The following CMTM8 variants were observed in gnomAD, a reference collection of about 807,000 sequenced individuals.
CMTM8 encodes the protein CKLF-like MARVEL transmembrane domain-containing protein 8.
In CMTM8, 12 loss-of-function variants were observed where a neutral mutation model predicts 18.6. That is an observed-to-expected ratio of 0.65 (90% CI 0.41 to 1.05). CMTM8 has a LOEUF of 1.05. Ranked by LOEUF, CMTM8 falls within the 50% of genes least tolerant of loss-of-function variation. CMTM8 has a pLI of 0.00. For missense variants in CMTM8, 217 were observed against 227.2 expected, an observed-to-expected ratio of 0.95 and a Z score of 0.29; for synonymous variants, 87 against 90.6, an observed-to-expected ratio of 0.96 and a Z score of 0.23.
At chr3:32,273,129 A>ATGTG (rs60162265) in intron 1 of CMTM8, among the ~76,000 whole-genome samples, 12,388 of 142,956 alleles carry the variant, frequency 0.087, 607 homozygotes, top group South Asian at 0.21. Flanking sequence ...ATTGGAACAA[A>ATGTG]TGTGTGTGTG....
intron 1 of CMTM8, among the ~76,000 whole-genome samples, chr3:32,260,965 T>A (rs2125537323): frequency 6.6e-6 from 1 of 152,170 alleles, no homozygotes; most frequent in Non-Finnish European, 1.5e-5. Flanking sequence ...CTCATGCCTG[T>A]AACCCCAGCA....
At chr3:32,328,370 CAAAAAAAAAAAA>C (rs796201249) in intron 1 of CMTM8, among the ~76,000 whole-genome samples, 2 of 74,786 alleles carry the variant, frequency 2.7e-5, no homozygotes, top group Non-Finnish European at 4.9e-5. Flanking sequence ...ACCCTGTCTC[CAAAAAAAAAAAA>C]AAAAAAAAAA....
At chr3:32,321,184 G>A (rs922916178) in intron 1 of CMTM8, among the ~76,000 whole-genome samples, 2 of 152,016 alleles carry the variant, frequency 1.3e-5, no homozygotes, top group African/African-American at 4.8e-5. Flanking sequence ...GCGGCGGGGG[G>A]GCCAGCATTG....
At chr3:32,333,707 T>A (rs1357312566) in intron 1 of CMTM8, among the ~76,000 whole-genome samples, 1 of 144,378 alleles carries the variant, frequency 6.9e-6, no homozygotes, top group Non-Finnish European at 1.5e-5. Flanking sequence ...GGGTTAGAAA[T>A]GATGCAGGTG....
At chr3:32,328,370 C>CAAAAAAAA (rs796201249) in intron 1 of CMTM8, among the ~76,000 whole-genome samples, 17 of 74,782 alleles carry the variant, frequency 2.3e-4, no homozygotes, top group African/African-American at 9.3e-4. Flanking sequence ...ACCCTGTCTC[C>CAAAAAAAA]AAAAAAAAAA....
chr3:32,270,386 G>T (rs1426944628), intron 1 of CMTM8, among the ~76,000 whole-genome samples: 11 of 152,170 alleles, frequency 7.2e-5, no homozygotes, highest in Admixed American at 6.5e-4. Context: ...ACCCAAAGGA[G>T]TATAAATCAT....
At chr3:32,276,392 C>G (rs2125546902) in intron 1 of CMTM8, among the ~76,000 whole-genome samples, 1 of 152,298 alleles carries the variant, frequency 6.6e-6, no homozygotes, top group Non-Finnish European at 1.5e-5. Flanking sequence ...TCTCATTGTG[C>G]AACAGCAATG....
At chr3:32,327,809 T>C (rs746594668) in intron 1 of CMTM8, among the ~76,000 whole-genome samples, 8 of 152,260 alleles carry the variant, frequency 5.3e-5, no homozygotes, top group Non-Finnish European at 1.2e-4. Flanking sequence ...TCCATGCAGA[T>C]TCTTTTCGAT....
chr3:32,271,649 T>C (rs944585215), intron 1 of CMTM8, among the ~76,000 whole-genome samples: 5 of 152,242 alleles, frequency 3.3e-5, no homozygotes, highest in African/African-American at 1.2e-4. Flanking sequence ...TCTAGGTTGA[T>C]GGCCTCCTGT....
At chr3:32,283,330 T>A (rs1702633444) in intron 1 of CMTM8, among the ~76,000 whole-genome samples, 1 of 152,194 alleles carries the variant, frequency 6.6e-6, no homozygotes, top group Non-Finnish European at 1.5e-5. Flanking sequence ...TTATAACGTG[T>A]CATACAGCAA....
intron 1 of CMTM8, among the ~76,000 whole-genome samples, chr3:32,335,019 G>A (rs1472208221): frequency 1.3e-5 from 2 of 152,200 alleles, no homozygotes; most frequent in Admixed American, 6.5e-5. Context: ...CACATTTGGG[G>A]GCTGGGTCTC....
At chr3:32,323,894 A>G (rs79430810) in intron 1 of CMTM8, among the ~76,000 whole-genome samples, 6,546 of 152,268 alleles carry the variant, frequency 0.043, 196 homozygotes, top group Middle Eastern at 0.1. Context: ...CATGCTAGGG[A>G]CTCGAAGGAT....
Position 32,319,074 on chromosome 3 carries a change from A to ATATATAT in CMTM8, c.148-38298_148-38297insATATATT. ...TGTATATACATATATATATATATAT[A>ATATATAT]TTTTTTTTTTTTTTTTTTTTTGAGA... On this transcript the variant is annotated intron_variant, in intron 1 of 3. Coordinates refer to ENST00000307526, the MANE Select transcript of CMTM8 (RefSeq NM_178868.5). Among the ~76,000 whole-genome samples, 75 of 31,530 alleles carry ATATATAT rather than the reference A, an allele frequency of 2.4e-3. 1 individual carries two copies. Among genetic ancestry groups the ATATATAT allele is most frequent in the Non-Finnish European group, 2.9e-3 (56 of 19,614 alleles). The allele number at this position is 31,530 out of a possible 152,430, so 20.7% of individuals were successfully genotyped here.
intron 1 of CMTM8, among the ~76,000 whole-genome samples, chr3:32,321,310 G>T (rs1324895478): frequency 6.6e-6 from 1 of 152,146 alleles, no homozygotes; most frequent in East Asian, 1.9e-4. Context: ...ACCATGGTGG[G>T]AAGAGGGGCA....
intron 1 of CMTM8, among the ~76,000 whole-genome samples, chr3:32,285,787 T>G (rs1203288073): frequency 6.6e-6 from 1 of 152,166 alleles, no homozygotes; most frequent in Non-Finnish European, 1.5e-5. Context: ...CTCCTGGCAT[T>G]TAACGTAATT....
chr3:32,338,888 A>C (rs2125588232), intron 1 of CMTM8, among the ~76,000 whole-genome samples: 1 of 152,316 alleles, frequency 6.6e-6, no homozygotes, highest in Non-Finnish European at 1.5e-5. Flanking sequence ...AGTCACTTAA[A>C]GTTTAACTGG....
chr3:32,257,574 A>G lies in CMTM8; in HGVS notation c.147+18455A>G, dbSNP rs535021388. 5.3e-5 allele frequency among the ~76,000 whole-genome samples: 8 copies of G among 152,102 alleles called. No individual in the cohort carries two copies. The South Asian group carries it at 6.2e-4, about 12-fold the overall frequency. ...GTATGCTCTGCCTTTCAACCCATCT[A>G]TTGCTTTATTATGGTTTTAATAGTT... On this transcript the variant is annotated intron_variant, in intron 1 of 3. Transcript: ENST00000307526.
At chr3:32,344,358 G>T (rs887855852) in intron 1 of CMTM8, among the ~76,000 whole-genome samples, 1 of 152,136 alleles carries the variant, frequency 6.6e-6, no homozygotes, top group Non-Finnish European at 1.5e-5. Context: ...TGGTGCTCCT[G>T]CCAGTCAAGA....
intron 1 of CMTM8, among the ~76,000 whole-genome samples, chr3:32,311,211 G>A (rs1695814027): frequency 6.6e-6 from 1 of 152,092 alleles, no homozygotes; most frequent in African/African-American, 2.4e-5. Flanking sequence ...TAACGGTTGC[G>A]GAAAAAATTA....
Sources: allele counts gnomAD v4.1 joint callset (sites outside exome capture counted in the v4.1 genomes callset), GRCh38; gene constraint gnomAD v4.1.1; transcripts MANE v1.5; gene names NCBI Gene and HGNC (gene_info 2026-07-23, HGNC 2026-07-21).